Variants in CFAP54 observed in about 807,000 individuals in gnomAD.
The protein encoded by CFAP54 is cilia and flagella associated protein 54, also known as cilia- and flagella-associated protein 54.
A neutral mutation model predicts 370.4 loss-of-function variants in CFAP54; 290 were observed. The observed-to-expected ratio is 0.78, with a 90% CI of 0.71 to 0.86. CFAP54 has a LOEUF of 0.86. Among genes scored for constraint, CFAP54 ranks in the 40% least tolerant of loss-of-function variants. The pLI is 0.00. For missense variants in CFAP54, 3,399 were observed against 3,528.7 expected (o/e 0.96, Z 0.93); for synonymous variants, 1,206 against 1,236.5 (o/e 0.98, Z 0.52).
At chr12:96,741,016 G>A (rs1161245952) in intron 51 of CFAP54, among the ~76,000 whole-genome samples, 1 of 152,168 alleles carries the variant, frequency 6.6e-6, no homozygotes, top group Non-Finnish European at 1.5e-5. Flanking sequence ...CTTTTCATTA[G>A]TGACAGGAAA....
chr12:96,626,975 C>A (rs1052526969), intron 30 of CFAP54, 36 bp downstream of exon 30: 46 of 1,246,064 alleles, frequency 3.7e-5, no homozygotes, highest in Non-Finnish European at 4.6e-5. Flanking sequence ...ATGTTAACAA[C>A]TTTAAAAAAT....
Position 96,547,926 on chromosome 12 carries a change from A to G in CFAP54, c.2102A>G (p.Asn701Ser). 1 of 1,506,732 alleles carries G rather than the reference A, an allele frequency of 6.6e-7. No individual in the cohort carries two copies. The highest frequency in any genetic ancestry group is 8.9e-7 in the Non-Finnish European group (1 of 1,127,956). 93.3% of individuals were successfully genotyped at this position (1,506,732 alleles called of 1,614,324 possible). ...SLDVPLREGT[N>S]KFPGAPKGIT... ...GATGTACCTTTAAGAGAAGGGACTA[A>G]CAAATTCCCTGGAGCTCCAAAAGGG... Residue 701 changes from asparagine to serine, a missense_variant, in exon 15 of 68, where the codon AAC (asparagine) becomes AGC (serine). Coordinates refer to ENST00000524981, the MANE Select transcript of CFAP54 (RefSeq NM_001306084.2).
At chr12:96,840,122 T>G (rs996676727) in intron 66 of CFAP54, among the ~76,000 whole-genome samples, 3 of 152,244 alleles carry the variant, frequency 2.0e-5, no homozygotes, top group African/African-American at 7.2e-5. Context: ...TGCAGCCATT[T>G]GGGGAAAATG....
At chr12:96,668,601 G>A (rs994316279) in intron 39 of CFAP54, among the ~76,000 whole-genome samples, 11 of 152,174 alleles carry the variant, frequency 7.2e-5, no homozygotes, top group South Asian at 6.2e-4. Flanking sequence ...CATGACACAT[G>A]GGGATTATGG....
chr12:96,771,310 T>C (rs1407494489), intron 60 of CFAP54, among the ~76,000 whole-genome samples: 2 of 152,120 alleles, frequency 1.3e-5, no homozygotes, highest in African/African-American at 4.8e-5. Context: ...AAATACACTG[T>C]CCACTGGTTT....
At chr12:96,583,051 G>A (rs893148022) in intron 22 of CFAP54, among the ~76,000 whole-genome samples, 1 of 152,086 alleles carries the variant, frequency 6.6e-6, no homozygotes, top group Non-Finnish European at 1.5e-5. Flanking sequence ...GCATGGAGAC[G>A]TTTCACTAAA....
chr12:96,648,658 G>T (rs1340918780), intron 34 of CFAP54, among the ~76,000 whole-genome samples: 1 of 147,600 alleles, frequency 6.8e-6, no homozygotes, highest in Non-Finnish European at 1.5e-5. Context: ...TGGCGATCTC[G>T]GCTGGCTGCA....
At chr12:96,542,669 TCTAA>T (rs1226762995) in intron 14 of CFAP54, among the ~76,000 whole-genome samples, 2 of 152,174 alleles carry the variant, frequency 1.3e-5, no homozygotes, top group Non-Finnish European at 1.5e-5. Context: ...TATGTGTGTA[TCTAA>T]CTATTATCTG....
rs1291506344 is a variant in CFAP54, at chr12:96,815,049, T to C, written c.8958-2726T>C. Among the ~76,000 whole-genome samples the C allele has an allele frequency of 2.6e-5, 4 of 152,360 alleles. No homozygotes were observed. In the East Asian group the frequency reaches 7.7e-4, roughly 29 times the overall value. Reference sequence around the variant, plus strand: ...TATTTCTTTATAGTAGAATGAGTTATGATCCTTTGGGTATATACCCAGTAA... The same window carrying C: ...TATTTCTTTATAGTAGAATGAGTTACGATCCTTTGGGTATATACCCAGTAA... On this transcript the variant is annotated intron_variant, in intron 64 of 67. Coordinates refer to ENST00000524981, the MANE Select transcript of CFAP54 (RefSeq NM_001306084.2).
At chr12:96,657,684 G>A (rs1302011737) in intron 36 of CFAP54, among the ~76,000 whole-genome samples, 198 bp from the exon 37 acceptor site, 1 of 152,194 alleles carries the variant, frequency 6.6e-6, no homozygotes, top group East Asian at 1.9e-4. Flanking sequence ...CAAATATATA[G>A]CACGTTTCCA....
At chr12:96,605,378 A>T (rs916820819) in intron 26 of CFAP54, among the ~76,000 whole-genome samples, 1 of 152,124 alleles carries the variant, frequency 6.6e-6, no homozygotes, top group African/African-American at 2.4e-5. Flanking sequence ...TGTTAATCTC[A>T]TGACATTAGA....
At chr12:96,769,509 T>G (rs899197963) in intron 60 of CFAP54, among the ~76,000 whole-genome samples, 24 of 152,230 alleles carry the variant, frequency 1.6e-4, no homozygotes, top group African/African-American at 5.1e-4. Flanking sequence ...AGCTCTCTCA[T>G]CAGCAGCTCT....
At chr12:96,687,088 G>A (rs930006559) in intron 42 of CFAP54, among the ~76,000 whole-genome samples, 4 of 152,042 alleles carry the variant, frequency 2.6e-5, no homozygotes, top group Non-Finnish European at 5.9e-5. Context: ...AAGACCAACA[G>A]CTGAGCATCT....
intron 4 of CFAP54, among the ~76,000 whole-genome samples, chr12:96,510,202 G>A (rs1439386933): frequency 2.1e-5 from 3 of 144,224 alleles, no homozygotes; most frequent in Non-Finnish European, 4.5e-5. Flanking sequence ...ATAGTGAGCC[G>A]AGATCATGCC....
Position 96,583,638 on chromosome 12 carries a change from T to C in CFAP54, c.3075+2533T>C, listed in dbSNP as rs575280497. 1.5e-4 allele frequency among the ~76,000 whole-genome samples: 23 copies of C among 152,348 alleles called. No individual in the cohort carries two copies. In the South Asian group the frequency reaches 4.6e-3, roughly 30 times the overall value. ...TTGAAGGAACAGATTAATTTAATCCTTCCTCTGCCAAACCCACTGTATCCC... is the reference window on the plus strand; with the variant it reads ...TTGAAGGAACAGATTAATTTAATCCCTCCTCTGCCAAACCCACTGTATCCC... On this transcript the variant is annotated intron_variant, in intron 22 of 67. Transcript: ENST00000524981.
At chr12:96,835,244 A>C (rs1018768504) in intron 66 of CFAP54, among the ~76,000 whole-genome samples, 1 of 151,922 alleles carries the variant, frequency 6.6e-6, no homozygotes, top group Non-Finnish European at 1.5e-5. Flanking sequence ...TGCTGTTGGT[A>C]ATCCTGACGT....
intron 4 of CFAP54, among the ~76,000 whole-genome samples, chr12:96,508,731 T>C (rs1325875603): frequency 6.6e-6 from 1 of 151,314 alleles, no homozygotes; most frequent in Non-Finnish European, 1.5e-5. Flanking sequence ...TTTTTCCTGC[T>C]GAATATTGTG....
intron 1 of CFAP54, among the ~76,000 whole-genome samples, chr12:96,493,832 A>T (rs1356709097): frequency 6.6e-6 from 1 of 152,226 alleles, no homozygotes; most frequent in Non-Finnish European, 1.5e-5. Flanking sequence ...CAAAGAAATG[A>T]TAAATGCTAG....
rs141393511 is a variant in CFAP54, at chr12:96,858,814, C to G, written c.9172-2005C>G. ...AATCAATATCATTAAAATGGCCATACTGTCCAGAGCAATTTACAGATTCAA... is the reference window on the plus strand; with the variant it reads ...AATCAATATCATTAAAATGGCCATAGTGTCCAGAGCAATTTACAGATTCAA... On this transcript the variant is annotated intron_variant, in intron 66 of 67. Coordinates refer to ENST00000524981, the MANE Select transcript of CFAP54 (RefSeq NM_001306084.2). Among the ~76,000 whole-genome samples the G allele has an allele frequency of 1.9e-3, 294 of 152,276 alleles. 8 individuals carry two copies. In the East Asian group the frequency reaches 0.051, roughly 26 times the overall value.
Sources: gnomAD v4.1 joint callset for allele counts (sites outside exome capture counted in the v4.1 genomes callset) on GRCh38, gnomAD v4.1.1 for gene constraint, MANE v1.5 for transcripts, NCBI Gene and HGNC (gene_info 2026-07-23, HGNC 2026-07-21) for gene names.